Variants in TRIO observed in about 807,000 individuals in gnomAD.
TRIO encodes the protein trio Rho guanine nucleotide exchange factor.
In TRIO, 58 loss-of-function variants were observed where a neutral mutation model predicts 351.9. The ratio of observed to expected loss-of-function variants is 0.16; its 90% CI spans 0.13 to 0.21. The LOEUF is 0.21. Ranked by LOEUF, TRIO falls within the 10% of genes least tolerant of loss-of-function variation. The pLI is 1.00. For synonymous variants in TRIO, 1,758 were observed against 1,595.7 expected, an observed-to-expected ratio of 1.10 and a Z score of -2.42; for missense variants, 3,201 against 4,027.8, an observed-to-expected ratio of 0.79 and a Z score of 5.56.
chr5:14,502,475 G>A lies in TRIO; in HGVS notation c.8333-104G>A, dbSNP rs567921105. On this transcript the variant is annotated intron_variant, in intron 53 of 56. Coordinates refer to ENST00000344204, the MANE Select transcript of TRIO (RefSeq NM_007118.4). ...CGCATGAGCCGTGTGGCAGGTGCCC[G>A]GTGGCCACGCGCAGCTGCTGTGAGG... 2.1e-4 allele frequency: 227 copies of A among 1,088,532 alleles called. 1 individual carries two copies. In the African/African-American group the frequency reaches 2.7e-3, roughly 13 times the overall value. 67.4% of individuals were successfully genotyped at this position (1,088,532 alleles called of 1,614,324 possible).
intron 35 of TRIO, 112 bp from the exon 36 acceptor site, chr5:14,462,643 C>T (rs1248203615): frequency 4.2e-6 from 6 of 1,419,752 alleles, no homozygotes; most frequent in Non-Finnish European, 5.8e-6. Context: ...TAGCTTTGTT[C>T]CTGATTTCTG....
chr5:14,380,714 A>G (rs1746027736), intron 20 of TRIO, among the ~76,000 whole-genome samples: 1 of 152,200 alleles, frequency 6.6e-6, no homozygotes, highest in South Asian at 2.1e-4. Context: ...CAATCCCATT[A>G]TTGGGTATAT....
In TRIO at chr5:14,487,783, C is replaced by T. The variant is rs2126636721; in HGVS notation, c.7155C>T (p.Ala2385=). Residue 2385 remains alanine (A), a synonymous_variant, in exon 48 of 57, where the codon GCC becomes GCT. Coordinates refer to ENST00000344204, the MANE Select transcript of TRIO (RefSeq NM_007118.4). ...CTCCCCCTGGCGCGGCCCCCGAGGC[C>T]GGCCCCAGCGCGCCCAGCAGGCGGC... is the stretch of plus-strand genomic sequence containing the variant. ...SLPPPGAAPE[A]GPSAPSRRPP... is the part of the protein sequence containing the mutation. 1 of 1,375,832 alleles carries T rather than the reference C, an allele frequency of 7.3e-7. No homozygotes were observed. The highest frequency in any genetic ancestry group is 9.4e-7 in the Non-Finnish European group (1 of 1,063,256). The allele number at this position is 1,375,832 out of a possible 1,614,324, so 85.2% of individuals were successfully genotyped here. A position where few individuals can be genotyped will look rare whatever the true frequency, so the allele number is the denominator to read the frequency against.
intron 1 of TRIO, among the ~76,000 whole-genome samples, chr5:14,249,902 T>C (rs2152245731): frequency 6.6e-6 from 1 of 152,308 alleles, no homozygotes; most frequent in South Asian, 2.1e-4. Flanking sequence ...AGAATGCATG[T>C]TCTGCTGATT....
intron 1 of TRIO, among the ~76,000 whole-genome samples, chr5:14,209,792 G>A (rs1353919885): frequency 6.6e-6 from 1 of 152,224 alleles, no homozygotes; most frequent in Admixed American, 6.5e-5. Flanking sequence ...GACAGTATTG[G>A]CCCTCAAGGC....
At chr5:14,495,371 C>T (rs112395522) in intron 49 of TRIO, among the ~76,000 whole-genome samples, 2,099 of 152,226 alleles carry the variant, frequency 0.014, 46 homozygotes, top group African/African-American at 0.044. Flanking sequence ...ATTACATAAA[C>T]TTAGTTGACA....
intron 1 of TRIO, among the ~76,000 whole-genome samples, chr5:14,179,849 T>A (rs1277655176): frequency 2.0e-5 from 3 of 152,074 alleles, no homozygotes; most frequent in Admixed American, 2.0e-4. Flanking sequence ...CCCGGCACTC[T>A]GGGAGGCTGA....
At chr5:14,442,277 C>A (rs545805932) in intron 34 of TRIO, among the ~76,000 whole-genome samples, 1 of 152,138 alleles carries the variant, frequency 6.6e-6, no homozygotes, top group Non-Finnish European at 1.5e-5. Flanking sequence ...GGCGGCAAGA[C>A]GCAGAGAGCC....
chr5:14,357,429 T>C (rs939909046), intron 11 of TRIO, among the ~76,000 whole-genome samples: 13 of 152,242 alleles, frequency 8.5e-5, no homozygotes, highest in Admixed American at 8.5e-4. Context: ...TAATGGACTT[T>C]CAGGAAGTAG....
chr5:14,485,104 T>C lies in TRIO; in HGVS notation c.6693T>C (p.Asn2231=), dbSNP rs369758824. The C allele has an allele frequency of 1.3e-6, 2 of 1,557,938 alleles. No individual in the cohort carries two copies. Among genetic ancestry groups the C allele is most frequent in the East Asian group, 2.3e-5 (1 of 43,576 alleles). ...TTTGCCTGGAGGAAAATGTGGAAAA[T>C]GATCCCTGTAAATTTGCTCTGACAT... The part of the protein sequence containing the change: ...SCLCLEENVE[N]DPCKFALTSR... Residue 2231 remains asparagine, a synonymous_variant, in exon 47 of 57, where the codon AAT becomes AAC. Transcript: ENST00000344204.
chr5:14,434,144 A>G (rs960512373), intron 34 of TRIO, among the ~76,000 whole-genome samples: 1 of 152,218 alleles, frequency 6.6e-6, no homozygotes, highest in Non-Finnish European at 1.5e-5. Context: ...GGCTACATAA[A>G]AAGTAAATTT....
At chr5:14,456,934 T>C (rs369845676) in intron 34 of TRIO, among the ~76,000 whole-genome samples, 17 of 152,348 alleles carry the variant, frequency 1.1e-4, no homozygotes, top group Admixed American at 8.5e-4. Context: ...ACTCCTAATG[T>C]GTACATTGTA....
At chr5:14,492,276 C>A in intron 48 of TRIO, 1 of 443,142 alleles carries the variant, frequency 2.3e-6, no homozygotes, top group Non-Finnish European at 4.1e-6. Context: ...CGTGAGGGTG[C>A]AAGGAAGACC....
chr5:14,432,904 A>G (rs1751291268), intron 34 of TRIO, among the ~76,000 whole-genome samples: 2 of 152,174 alleles, frequency 1.3e-5, no homozygotes, highest in Non-Finnish European at 2.9e-5. Context: ...AACCCTGTGA[A>G]TTTTAGCCCT....
At chr5:14,183,991 A>C (rs931016493) in intron 1 of TRIO, 2 of 697,760 alleles carry the variant, frequency 2.9e-6, no homozygotes, top group East Asian at 2.7e-5. Flanking sequence ...TAAAAAATAC[A>C]GTTCTTATTT....
intron 1 of TRIO, among the ~76,000 whole-genome samples, chr5:14,269,705 G>A (rs549044235): frequency 6.7e-6 from 1 of 150,028 alleles, no homozygotes; most frequent in South Asian, 2.2e-4. Flanking sequence ...GGGCTTGCCC[G>A]GGAGTTGCTG....
In TRIO at chr5:14,498,508, C is replaced by T. The variant is rs374998445; in HGVS notation, c.8211-11C>T. 6.2e-7 allele frequency: 1 copy of T among 1,612,860 alleles called. No individual in the cohort carries two copies. Among genetic ancestry groups the T allele is most frequent in the Non-Finnish European group, 8.5e-7 (1 of 1,178,954 alleles). On this transcript the variant is annotated splice_polypyrimidine_tract_variant and intron_variant, in intron 52 of 56. Coordinates refer to ENST00000344204, the MANE Select transcript of TRIO (RefSeq NM_007118.4). Reference sequence around the variant, plus strand: ...TTTCTGATGCGCAGTGTGTTCCCATCTGTGCCGCAGTGACCTGGGAGAGGC... The same window carrying T: ...TTTCTGATGCGCAGTGTGTTCCCATTTGTGCCGCAGTGACCTGGGAGAGGC...
chr5:14,147,848 A>G (rs1196553084), intron 1 of TRIO, among the ~76,000 whole-genome samples: 1 of 152,244 alleles, frequency 6.6e-6, no homozygotes, highest in African/African-American at 2.4e-5. Flanking sequence ...TGTGAGCACC[A>G]ATAATGATTG....
chr5:14,382,697 A>G (rs1746211862), intron 21 of TRIO, among the ~76,000 whole-genome samples: 1 of 152,184 alleles, frequency 6.6e-6, no homozygotes, highest in Non-Finnish European at 1.5e-5. Flanking sequence ...GTTAATATTT[A>G]GATATTACAT....
Sources: gnomAD v4.1 joint callset for allele counts (sites outside exome capture counted in the v4.1 genomes callset) on GRCh38, gnomAD v4.1.1 for gene constraint, MANE v1.5 for transcripts, NCBI Gene and HGNC (gene_info 2026-07-23, HGNC 2026-07-21) for gene names.